Variants in ARID3B observed in about 807,000 individuals in gnomAD.
The protein encoded by ARID3B is AT-rich interactive domain-containing protein 3B.
In ARID3B, 10 loss-of-function variants were observed where a neutral mutation model predicts 51.9. The ratio of observed to expected loss-of-function variants is 0.19; its 90% CI spans 0.12 to 0.33. ARID3B has a LOEUF of 0.33. ARID3B is among the 10% of genes least tolerant of loss of function. ARID3B has a pLI of 1.00. For missense variants in ARID3B, 483 were observed against 716.3 expected (o/e 0.67, Z 3.72); for synonymous variants, 205 against 279.5 (o/e 0.73, Z 2.66).
rs1307064979 is a variant in ARID3B at position 74,596,791 on chromosome 15, TTTTG to T, written c.*1021_*1024del. ...TCTTTTTTATATGTGTTTTGCTGAC[TTTTG>T]TTTTTTTTTTATTTTAAAATTTTTA... On this transcript the variant is annotated 3_prime_UTR_variant, in exon 9 of 9. Coordinates refer to ENST00000346246, the MANE Select transcript of ARID3B (RefSeq NM_006465.4). 4.7e-6 allele frequency: 1 copy of T among 212,352 alleles called. No individual in the cohort carries two copies. The highest frequency in any genetic ancestry group is 8.6e-6 in the Non-Finnish European group (1 of 116,278). The allele number at this position is 212,352 out of a possible 1,614,324, so 13.2% of individuals were successfully genotyped here.
intron 4 of ARID3B, among the ~76,000 whole-genome samples, chr15:74,585,129 CTCA>C (rs2061775555): frequency 6.6e-6 from 1 of 152,206 alleles, no homozygotes. Flanking sequence ...CCATCAGGTG[CTCA>C]CCCCCTTCTG....
In ARID3B at chr15:74,591,380, A is replaced by G; in HGVS notation, c.1111A>G (p.Ser371Gly). The G allele has an allele frequency of 6.2e-7, 1 of 1,614,042 alleles. No homozygotes were observed. The highest frequency in any genetic ancestry group is 8.5e-7 in the Non-Finnish European group (1 of 1,179,888). Residue 371 changes from serine to glycine, a missense_variant, in exon 6 of 9, where the codon AGT becomes GGT. Coordinates refer to ENST00000346246, the MANE Select transcript of ARID3B (RefSeq NM_006465.4). The surrounding 1 kb of genome is among the most constrained non-coding windows in gnomAD (Gnocchi z 5.8). ...TCCCATCCTTGGGCTTGGCTCCAGCAGTGGTACCAATACCAGTAGCCCTCG... is the reference window on the plus strand; with the variant it reads ...TCCCATCCTTGGGCTTGGCTCCAGCGGTGGTACCAATACCAGTAGCCCTCG... ...RFPILGLGSS[S>G]GTNTSSPRIS...
At chr15:74,546,780 C>T (rs2061617392) in intron 2 of ARID3B, among the ~76,000 whole-genome samples, 1 of 152,170 alleles carries the variant, frequency 6.6e-6, no homozygotes, top group Non-Finnish European at 1.5e-5. Context: ...TTACCTTCCC[C>T]CAGGATTTGG....
At position 74,591,850 on chromosome 15, in the gene ARID3B, G is replaced by A; in HGVS notation, c.1420+36G>A. On this transcript the variant is annotated intron_variant, in intron 7 of 8. Coordinates refer to ENST00000346246, the MANE Select transcript of ARID3B (RefSeq NM_006465.4). The surrounding 1 kb of genome is among the most constrained non-coding windows in gnomAD (Gnocchi z 5.8). The stretch of plus-strand genomic sequence containing the variant: ...CTCAGGGCCGGGCCTTCCCTTCCTG[G>A]AAACCCCAAGCCCATTCACGCCTCC... The A allele has an allele frequency of 6.3e-7, 1 of 1,599,074 alleles. No homozygotes were observed. Among genetic ancestry groups the A allele is most frequent in the Non-Finnish European group, 8.5e-7 (1 of 1,170,434 alleles).
intron 2 of ARID3B, among the ~76,000 whole-genome samples, chr15:74,558,558 C>CA (rs899720432): frequency 9.4e-4 from 137 of 145,864 alleles, no homozygotes; most frequent in African/African-American, 1.3e-3. Flanking sequence ...TTCATACATA[C>CA]AAAAAAAAAA....
At chr15:74,581,355 A>C (rs2061761194) in intron 4 of ARID3B, among the ~76,000 whole-genome samples, 1 of 152,240 alleles carries the variant, frequency 6.6e-6, no homozygotes, top group Non-Finnish European at 1.5e-5. Context: ...TCAGGCAAGG[A>C]AATGTTCATG....
intron 2 of ARID3B, among the ~76,000 whole-genome samples, chr15:74,555,792 T>C (rs949467628): frequency 1.4e-5 from 2 of 141,980 alleles, no homozygotes; most frequent in Non-Finnish European, 1.5e-5. Context: ...ATTTCTTTTT[T>C]TTTTTTTTTT....
chr15:74,576,721 C>T (rs959252975), intron 4 of ARID3B, among the ~76,000 whole-genome samples: 1 of 152,138 alleles, frequency 6.6e-6, no homozygotes, highest in African/African-American at 2.4e-5. Flanking sequence ...GAGAGCAAGC[C>T]GTGTTAGGTA....
At position 74,596,821 on chromosome 15, in the gene ARID3B, T is replaced by C. The variant is rs1487867701; in HGVS notation, c.*1047T>C. Reference sequence around the variant, plus strand: ...TTTTTTTTTTATTTTAAAATTTTTATCGTAGCACCAAAGAAATGAAAACAG... The same window carrying C: ...TTTTTTTTTTATTTTAAAATTTTTACCGTAGCACCAAAGAAATGAAAACAG... On this transcript the variant is annotated 3_prime_UTR_variant, in exon 9 of 9. Transcript: ENST00000346246. The C allele has an allele frequency of 8.6e-6, 2 of 233,506 alleles. No homozygotes were observed. Among genetic ancestry groups the C allele is most frequent in the Non-Finnish European group, 1.7e-5 (2 of 117,992 alleles). The allele number at this position is 233,506 out of a possible 1,614,324, so 14.5% of individuals were successfully genotyped here. A position where few individuals can be genotyped will look rare whatever the true frequency, so the allele number is the denominator to read the frequency against.
chr15:74,546,273 G>T (rs1567114720), intron 2 of ARID3B, among the ~76,000 whole-genome samples: 1 of 152,220 alleles, frequency 6.6e-6, no homozygotes, highest in Non-Finnish European at 1.5e-5. Context: ...TGTGTGGTTG[G>T]CAGAGTTCCA....
chr15:74,557,935 C>T (rs1019474878), intron 2 of ARID3B, among the ~76,000 whole-genome samples: 1 of 151,576 alleles, frequency 6.6e-6, no homozygotes, highest in East Asian at 1.9e-4. Context: ...CATTCTCCCG[C>T]CTCAGCTTCC....
At position 74,593,255 on chromosome 15, in the gene ARID3B, G is replaced by T; in HGVS notation, c.1519+19G>T. 2 of 1,606,094 alleles carry T rather than the reference G, an allele frequency of 1.2e-6. No individual in the cohort carries two copies. The highest frequency in any genetic ancestry group is 1.7e-6 in the Non-Finnish European group (2 of 1,177,044). ...TATGCAGGTGAGGCCCTGGAGCTCT[G>T]GGGGAGGCCCACGTGGCCGCAGCTA... is the stretch of plus-strand genomic sequence containing the variant. On this transcript the variant is annotated intron_variant, in intron 8 of 8. Coordinates refer to ENST00000346246, the MANE Select transcript of ARID3B (RefSeq NM_006465.4).
At chr15:74,542,013 C>A (rs568892539) in intron 1 of ARID3B, among the ~76,000 whole-genome samples, 1 of 152,268 alleles carries the variant, frequency 6.6e-6, no homozygotes, top group East Asian at 1.9e-4. Flanking sequence ...AGAACTGAGT[C>A]ATCTCAGTCT....
intron 2 of ARID3B, 75 bp from the exon 3 acceptor site, chr15:74,572,787 A>G: frequency 1.4e-6 from 2 of 1,420,116 alleles, no homozygotes; most frequent in Non-Finnish European, 2.0e-6. Flanking sequence ...TTTGCCCTAA[A>G]TGATTGCCTT....
rs1202045286 is a variant in ARID3B at position 74,544,235 on chromosome 15, A to G, written c.299A>G (p.Asp100Gly). 1 of 1,614,138 alleles carries G rather than the reference A, an allele frequency of 6.2e-7. No homozygotes were observed. The highest frequency in any genetic ancestry group is 1.3e-5 in the African/African-American group (1 of 75,064). The change falls in exon 2 of 9, where the codon GAT (aspartate) becomes GGT (glycine). Residue 100 changes from aspartate (D) to glycine (G), a missense_variant. Coordinates refer to ENST00000346246, the MANE Select transcript of ARID3B (RefSeq NM_006465.4). ...GAGGAAGAGGACGGAGGTTTGGAAG[A>G]TGAGGATGGGGATGATGAAGTTGCA... ...EPEEEDGGLE[D>G]EDGDDEVAEV...
At chr15:74,558,978 C>T (rs533388695) in intron 2 of ARID3B, among the ~76,000 whole-genome samples, 4 of 152,298 alleles carry the variant, frequency 2.6e-5, no homozygotes, top group African/African-American at 4.8e-5. Context: ...CCAGATGGCA[C>T]GGTTCCTTGC....
At chr15:74,588,235 T>TA (rs34984821) in intron 4 of ARID3B, among the ~76,000 whole-genome samples, 4,944 of 139,878 alleles carry the variant, frequency 0.035, 288 homozygotes, top group African/African-American at 0.12. Flanking sequence ...CCCTATCTTT[T>TA]AAAAAAAAAA....
Position 74,596,785 on chromosome 15 carries a change from G to A in ARID3B, c.*1011G>A, listed in dbSNP as rs569242991. 1.3e-5 allele frequency: 3 copies of A among 227,306 alleles called. No homozygotes were observed. Among genetic ancestry groups the A allele is most frequent in the Non-Finnish European group, 2.5e-5 (3 of 117,710 alleles). 14.1% of individuals were successfully genotyped at this position (227,306 alleles called of 1,614,324 possible). A position where few individuals can be genotyped will look rare whatever the true frequency, so the allele number is the denominator to read the frequency against. ...CTGAAATCTTTTTTATATGTGTTTTGCTGACTTTTGTTTTTTTTTTATTTT... is the reference window on the plus strand; with the variant it reads ...CTGAAATCTTTTTTATATGTGTTTTACTGACTTTTGTTTTTTTTTTATTTT... On this transcript the variant is annotated 3_prime_UTR_variant, in exon 9 of 9. Coordinates refer to ENST00000346246, the MANE Select transcript of ARID3B (RefSeq NM_006465.4).
In ARID3B at chr15:74,569,526, G is replaced by A. The variant is rs896346509; in HGVS notation, c.553-3336G>A. ...CGCCTGAACCTAAGAGGCAGAGGTC[G>A]CAGTGACCTGAGATCATGCCACTGC... On this transcript the variant is annotated intron_variant, in intron 2 of 8. Coordinates refer to ENST00000346246, the MANE Select transcript of ARID3B (RefSeq NM_006465.4). Among the ~76,000 whole-genome samples, 5 of 152,146 alleles carry A rather than the reference G, an allele frequency of 3.3e-5. No homozygotes were observed. In the East Asian group the frequency reaches 7.7e-4, roughly 23 times the overall value.
Sources: allele counts gnomAD v4.1 joint callset (sites outside exome capture counted in the v4.1 genomes callset), GRCh38; gene constraint gnomAD v4.1.1; non-coding constraint Gnocchi (gnomAD v3.1); transcripts MANE v1.5; gene names NCBI Gene and HGNC (gene_info 2026-07-23, HGNC 2026-07-21).